ZFC3H1: variants seen among roughly 807,000 people sequenced by gnomAD.
ZFC3H1 encodes the protein zinc finger C3H1 domain-containing protein.
A neutral mutation model predicts 243.7 loss-of-function variants in ZFC3H1; 71 were observed. The observed-to-expected ratio is 0.29, with a 90% CI of 0.24 to 0.36. The LOEUF is 0.36. ZFC3H1 is among the 10% of genes least tolerant of loss of function. The pLI is 1.00. For synonymous variants in ZFC3H1, 838 were observed against 813.0 expected, an observed-to-expected ratio of 1.03 and a Z score of -0.52; for missense variants, 1,966 against 2,317.1, an observed-to-expected ratio of 0.85 and a Z score of 3.11.
chr12:71,618,314 G>A (rs1043147797), intron 27 of ZFC3H1, among the ~76,000 whole-genome samples: 1 of 151,328 alleles, frequency 6.6e-6, no homozygotes, highest in Non-Finnish European at 1.5e-5. Context: ...CAAGTTCTAG[G>A]TTGAATAGAT....
At chr12:71,628,008 T>C (rs1342585498) in intron 20 of ZFC3H1, 74 bp from the exon 21 acceptor site, 8 of 1,424,436 alleles carry the variant, frequency 5.6e-6, no homozygotes, top group African/African-American at 1.4e-5. Flanking sequence ...AAACAATTGG[T>C]CTCATCTTTA....
In ZFC3H1 at chr12:71,614,914, A is replaced by G; in HGVS notation, c.5280T>C (p.Ser1760=). ...IYCLCHPLQS[S]IKETVEAYEA... is the part of the protein sequence containing the mutation. Reference sequence around the variant, plus strand: ...CATATGCCTCCACTGTTTCTTTAATACTTGATTGAAGAGGATGACAAAGGC... The same window carrying G: ...CATATGCCTCCACTGTTTCTTTAATGCTTGATTGAAGAGGATGACAAAGGC... The change falls in exon 29 of 35, where the codon AGT becomes AGC. Residue 1760 remains serine (S), a synonymous_variant. Transcript: ENST00000378743. 1.2e-6 allele frequency: 2 copies of G among 1,613,582 alleles called. No homozygotes were observed. The highest frequency in any genetic ancestry group is 1.7e-5 in the Admixed American group (1 of 60,010).
At chr12:71,630,512 T>C in intron 18 of ZFC3H1, 88 bp downstream of exon 18, 4 of 1,467,826 alleles carry the variant, frequency 2.7e-6, no homozygotes, top group Middle Eastern at 2.5e-4. Context: ...TTATAGTAAG[T>C]ATTTTACAAT....
chr12:71,621,549 A>G (rs1880029226), intron 24 of ZFC3H1, among the ~76,000 whole-genome samples: 1 of 152,012 alleles, frequency 6.6e-6, no homozygotes, highest in Non-Finnish European at 1.5e-5. Flanking sequence ...AGTGATCCAC[A>G]TGCCTCAGCA....
intron 7 of ZFC3H1, among the ~76,000 whole-genome samples, chr12:71,637,952 G>C (rs578010643): frequency 6.6e-6 from 1 of 151,780 alleles, no homozygotes; most frequent in African/African-American, 2.4e-5. Flanking sequence ...ACTGGAGATG[G>C]GGGGGAAAAG....
chr12:71,635,209 A>T (rs1367158924), intron 10 of ZFC3H1, among the ~76,000 whole-genome samples: 3 of 152,194 alleles, frequency 2.0e-5, no homozygotes, highest in Non-Finnish European at 4.4e-5. Flanking sequence ...TACTATTTTG[A>T]AAAAGGAAAT....
At chr12:71,636,384 A>AT in intron 9 of ZFC3H1, 106 bp downstream of exon 9, 1 of 898,990 alleles carries the variant, frequency 1.1e-6, no homozygotes, top group Non-Finnish European at 1.6e-6. Flanking sequence ...ATGTGAATAT[A>AT]TGTGTGTATA....
chr12:71,635,324 T>G, intron 10 of ZFC3H1, 119 bp downstream of exon 10: 1 of 1,293,272 alleles, frequency 7.7e-7, no homozygotes, highest in South Asian at 1.6e-5. Context: ...ACTTAAAATA[T>G]TTCCACAAAT....
At chr12:71,646,430 C>T (rs1316671941) in intron 3 of ZFC3H1, among the ~76,000 whole-genome samples, 1 of 152,178 alleles carries the variant, frequency 6.6e-6, no homozygotes, top group Non-Finnish European at 1.5e-5. Context: ...ACCTAAGCCA[C>T]ACTAATCACT....
chr12:71,621,707 C>CTTA (rs1352724520), intron 24 of ZFC3H1, among the ~76,000 whole-genome samples: 2 of 152,146 alleles, frequency 1.3e-5, no homozygotes, highest in Non-Finnish European at 2.9e-5. Flanking sequence ...GTCTTCCCAA[C>CTTA]TTACCAGTTT....
At chr12:71,623,101 G>A (rs1040400824) in intron 24 of ZFC3H1, among the ~76,000 whole-genome samples, 13 of 150,786 alleles carry the variant, frequency 8.6e-5, no homozygotes, top group African/African-American at 2.9e-4. Flanking sequence ...TTTTCTCTAC[G>A]CATTTAACAG....
intron 27 of ZFC3H1, among the ~76,000 whole-genome samples, chr12:71,617,068 G>C (rs1191150168): frequency 5.3e-5 from 8 of 152,034 alleles, no homozygotes; most frequent in African/African-American, 1.9e-4. Flanking sequence ...ATGTCACATA[G>C]AGAGTTGACA....
At chr12:71,610,843 C>T in intron 33 of ZFC3H1, 86 bp from the exon 34 acceptor site, 1 of 1,470,064 alleles carries the variant, frequency 6.8e-7, no homozygotes, top group Non-Finnish European at 9.4e-7. Context: ...AATGGTAATT[C>T]ACAATAACAT....
At chr12:71,630,793 A>G in intron 17 of ZFC3H1, 30 bp downstream of exon 17, 1 of 1,608,100 alleles carries the variant, frequency 6.2e-7, no homozygotes, top group South Asian at 1.1e-5. Context: ...CCATTTTTCA[A>G]ATTACAAAAT....
chr12:71,636,482 G>T lies in ZFC3H1; in HGVS notation c.2100+8C>A. ...TGAATAAAAGTAGCATTAAATTTTT[G>T]TTTTTACCGAGATCACAGTTCGTGG... On this transcript the variant is annotated splice_region_variant and intron_variant, in intron 9 of 34. Transcript: ENST00000378743. 1 of 1,593,390 alleles carries T rather than the reference G, an allele frequency of 6.3e-7. No individual in the cohort carries two copies. The highest frequency in any genetic ancestry group is 1.1e-5 in the South Asian group (1 of 87,172).
chr12:71,625,855 G>A (rs1019420173), intron 22 of ZFC3H1, among the ~76,000 whole-genome samples: 2 of 152,132 alleles, frequency 1.3e-5, no homozygotes, highest in Non-Finnish European at 1.5e-5. Context: ...AGACAAAAAT[G>A]TTTCCTGGCA....
At position 71,663,384 on chromosome 12, in the gene ZFC3H1, G is replaced by A. The variant is rs778421486; in HGVS notation, c.227C>T (p.Ser76Leu). 2.7e-5 allele frequency: 44 copies of A among 1,612,400 alleles called. No homozygotes were observed. Among genetic ancestry groups the A allele is most frequent in the Non-Finnish European group, 3.6e-5 (43 of 1,180,026 alleles). Reference protein sequence around the residue: ...SGGGGGSSSSSSSSQQQLRNF... With the variant: ...SGGGGGSSSSLSSSQQQLRNF... Reference sequence around the variant, plus strand: ...CCTCAGCTGCTGCTGAGAAGAGGACGATGACGAGGAAGAGCCACCGCCTCC... The same window carrying A: ...CCTCAGCTGCTGCTGAGAAGAGGACAATGACGAGGAAGAGCCACCGCCTCC... Residue 76 changes from serine to leucine, a missense_variant, in exon 1 of 35, where the codon TCG (serine) becomes TTG (leucine). Transcript: ENST00000378743.
intron 1 of ZFC3H1, among the ~76,000 whole-genome samples, chr12:71,660,820 T>C (rs1358244871): frequency 6.6e-6 from 1 of 152,024 alleles, no homozygotes; most frequent in African/African-American, 2.4e-5. Flanking sequence ...CTTTGTACCT[T>C]TAAAAAACAC....
rs190363669 is a variant in ZFC3H1 at position 71,620,202 on chromosome 12, A to C, written c.4850+8T>G. 1.7e-4 allele frequency: 278 copies of C among 1,614,130 alleles called. 2 individuals are homozygous for C. In the East Asian group the frequency reaches 5.3e-3, roughly 31 times the overall value. On this transcript the variant is annotated splice_region_variant and intron_variant, in intron 25 of 34. Transcript: ENST00000378743. ...TATAAGGTTAGCTGCTTGGCAATTA[A>C]GTTGTACCTCTCCAGGAGTTGGTGC...
Sources: gnomAD v4.1 joint callset for allele counts (sites outside exome capture counted in the v4.1 genomes callset) on GRCh38, gnomAD v4.1.1 for gene constraint, MANE v1.5 for transcripts, NCBI Gene and HGNC (gene_info 2026-07-23, HGNC 2026-07-21) for gene names.